Variants in BBS2 observed in about 807,000 individuals in gnomAD.
The protein encoded by BBS2 is Bardet-Biedl syndrome 2, also known as BBSome complex member BBS2.
BBS2 carries 62 observed loss-of-function variants against 83.0 expected under a neutral mutation model. The observed-to-expected ratio is 0.75, with a 90% CI of 0.61 to 0.92. The LOEUF is 0.92. BBS2 is among the 40% of genes least tolerant of loss of function. The pLI is 0.00. For missense variants in BBS2, 784 were observed against 901.0 expected, an observed-to-expected ratio of 0.87 and a Z score of 1.66; for synonymous variants, 303 against 326.1, an observed-to-expected ratio of 0.93 and a Z score of 0.76.
chr16:56,513,880 AAGT>A (rs1260257671), intron 2 of BBS2, among the ~76,000 whole-genome samples: 1 of 152,222 alleles, frequency 6.6e-6, no homozygotes, highest in African/African-American at 2.4e-5. Flanking sequence ...GGGTAAAAAC[AAGT>A]AAAAGGCTAC....
rs371851180 is a variant in BBS2, at chr16:56,501,036, G to C, written c.1226-11C>G. On this transcript the variant is annotated splice_polypyrimidine_tract_variant and intron_variant, in intron 10 of 16. Coordinates refer to ENST00000245157, the MANE Select transcript of BBS2 (RefSeq NM_031885.5). Reference sequence around the variant, plus strand: ...CTCGGATGATGGTGTCTGCAGGGAAGAGTAAAAACAGTTTAAGAACAACTC... The same window carrying C: ...CTCGGATGATGGTGTCTGCAGGGAACAGTAAAAACAGTTTAAGAACAACTC... 2 of 1,614,080 alleles carry C rather than the reference G, an allele frequency of 1.2e-6. No individual in the cohort carries two copies. Among genetic ancestry groups the C allele is most frequent in the Non-Finnish European group, 1.7e-6 (2 of 1,179,992 alleles).
chr16:56,503,593 T>C lies in BBS2; in HGVS notation c.805-785A>G, dbSNP rs1597017654. The stretch of plus-strand genomic sequence containing the variant: ...ATGACTGATCAGAAACAAATGCATC[T>C]CAAAAGTGATAATAAGTGACCATCA... On this transcript the variant is annotated intron_variant, in intron 7 of 16. Transcript: ENST00000245157. Among the ~76,000 whole-genome samples, 6 of 152,236 alleles carry C rather than the reference T, an allele frequency of 3.9e-5. No individual in the cohort carries two copies. In the South Asian group the frequency reaches 1.2e-3, roughly 32 times the overall value.
intron 5 of BBS2, 140 bp from the exon 6 acceptor site, chr16:56,506,364 G>A: frequency 2.8e-6 from 2 of 705,250 alleles, no homozygotes; most frequent in Non-Finnish European, 5.1e-6. Context: ...CATTAGTGGG[G>A]AATGTATTCC....
intron 7 of BBS2, among the ~76,000 whole-genome samples, chr16:56,504,701 A>G (rs563015669): frequency 6.6e-6 from 1 of 152,382 alleles, no homozygotes; most frequent in East Asian, 1.9e-4. Flanking sequence ...GTCAACAATT[A>G]TATTTCAAGG....
intron 2 of BBS2, among the ~76,000 whole-genome samples, chr16:56,511,795 A>G (rs1964584465): frequency 6.6e-6 from 1 of 152,186 alleles, no homozygotes; most frequent in South Asian, 2.1e-4. Context: ...AAACGATGTG[A>G]CCTTGAAATA....
intron 15 of BBS2, among the ~76,000 whole-genome samples, chr16:56,490,018 G>A (rs1190975752): frequency 6.6e-6 from 1 of 151,822 alleles, no homozygotes; most frequent in Non-Finnish European, 1.5e-5. Flanking sequence ...TCCAGCAGCT[G>A]AGGTGGGAGG....
downstream of BBS2, among the ~76,000 whole-genome samples, chr16:56,480,489 C>CA (rs1209878179): frequency 6.6e-6 from 1 of 151,704 alleles, no homozygotes; most frequent in African/African-American, 2.4e-5. Flanking sequence ...GATCTCAACT[C>CA]ACTGCAACCT....
intron 17 of BBS2, chr16:56,478,532 G>A (rs1963576632): frequency 6.6e-6 from 1 of 152,138 alleles, no homozygotes; most frequent in Non-Finnish European, 1.5e-5. Flanking sequence ...GAGTTGAGGG[G>A]AAAGGGTGTC....
chr16:56,519,644 G>T lies in BBS2; in HGVS notation c.117+102C>A, dbSNP rs557022128. ...GCCGACCGGTTGCCGGGCAACACGGGCTGGGGGCGGGGTCGGAGAGGGGAC... is the reference window on the plus strand; with the variant it reads ...GCCGACCGGTTGCCGGGCAACACGGTCTGGGGGCGGGGTCGGAGAGGGGAC... On this transcript the variant is annotated intron_variant, in intron 1 of 16. Transcript: ENST00000245157. 19 of 931,846 alleles carry T rather than the reference G, an allele frequency of 2.0e-5. No homozygotes were observed. The South Asian group carries it at 2.5e-4, about 12-fold the overall frequency. 57.7% of individuals were successfully genotyped at this position (931,846 alleles called of 1,614,324 possible).
downstream of BBS2, among the ~76,000 whole-genome samples, chr16:56,480,352 C>CCAAAAAAAAAAAAAAAAAAAAAAAA (rs1555519770): frequency 1.3e-5 from 1 of 76,592 alleles, no homozygotes; most frequent in Non-Finnish European, 2.3e-5. Context: ...CACACACACA[C>CCAAAAAAAAAAAAAAAAAAAAAAAA]AAAAAAAAAA....
At chr16:56,490,874 G>A (rs940655465) in intron 15 of BBS2, among the ~76,000 whole-genome samples, 7 of 151,120 alleles carry the variant, frequency 4.6e-5, no homozygotes, top group African/African-American at 1.5e-4. Context: ...CCATTCTCCC[G>A]CCTCAGCCTC....
At chr16:56,516,969 G>A (rs1964768427) in intron 1 of BBS2, among the ~76,000 whole-genome samples, 1 of 152,014 alleles carries the variant, frequency 6.6e-6, no homozygotes, top group African/African-American at 2.4e-5. Context: ...CAGTTACACA[G>A]GACAAGGGAT....
At chr16:56,503,975 A>C (rs1964354741) in intron 7 of BBS2, among the ~76,000 whole-genome samples, 1 of 152,198 alleles carries the variant, frequency 6.6e-6, no homozygotes, top group Non-Finnish European at 1.5e-5. Context: ...ATTATCAACA[A>C]AAGGCTAGCT....
Position 56,502,681 on chromosome 16 carries a change from T to A in BBS2, c.932A>T (p.Asp311Val). The A allele has an allele frequency of 6.2e-7, 1 of 1,614,158 alleles. No individual in the cohort carries two copies. The highest frequency in any genetic ancestry group is 1.3e-5 in the African/African-American group (1 of 75,026). ...GHIQLICCSV[D>V]GEIRGYLPGT... ...TTCTCATCCCAATTTACTTTCCCCATCCACTGAGCAGCAGATTAACTGTAT... is the reference window on the plus strand; with the variant it reads ...TTCTCATCCCAATTTACTTTCCCCAACCACTGAGCAGCAGATTAACTGTAT... The change falls in exon 8 of 17, where the codon GAT (aspartate) becomes GTT (valine). Residue 311 changes from aspartate to valine, a missense_variant. Transcript: ENST00000245157.
chr16:56,480,651 A>G (rs536140729), downstream of BBS2, among the ~76,000 whole-genome samples: 3 of 152,254 alleles, frequency 2.0e-5, no homozygotes, highest in Admixed American at 2.0e-4. Context: ...TTGACCTCCC[A>G]AAGTTCTGGC....
intron 8 of BBS2, 69 bp downstream of exon 8, chr16:56,502,604 T>C (rs1964306758): frequency 1.2e-6 from 2 of 1,612,306 alleles, no homozygotes; most frequent in Admixed American, 1.7e-5. Flanking sequence ...TCAGGTGAAA[T>C]TTCCTGATAT....
At chr16:56,489,104 C>T (rs977791524) in intron 15 of BBS2, among the ~76,000 whole-genome samples, 8 of 151,630 alleles carry the variant, frequency 5.3e-5, no homozygotes, top group Non-Finnish European at 7.4e-5. Flanking sequence ...AAAAAATGGC[C>T]GAGGCAAGAG....
At chr16:56,490,569 AG>A in intron 15 of BBS2, among the ~76,000 whole-genome samples, 1 of 151,838 alleles carries the variant, frequency 6.6e-6, no homozygotes, top group East Asian at 1.9e-4. Flanking sequence ...TGAATCTGGG[AG>A]GCAGAGGTTG....
chr16:56,495,375 A>G (rs999138708), intron 15 of BBS2, among the ~76,000 whole-genome samples: 2 of 152,216 alleles, frequency 1.3e-5, no homozygotes, highest in Non-Finnish European at 2.9e-5. Context: ...CTACTCACGA[A>G]GTATTCTTGC....
Sources: allele counts gnomAD v4.1 joint callset (sites outside exome capture counted in the v4.1 genomes callset), GRCh38; gene constraint gnomAD v4.1.1; transcripts MANE v1.5; gene names NCBI Gene and HGNC (gene_info 2026-07-23, HGNC 2026-07-21).